KIF26B: variants seen among roughly 807,000 people sequenced by gnomAD.
KIF26B encodes kinesin-like protein KIF26B.
Under a neutral mutation model 151.2 loss-of-function variants are expected in KIF26B, and 63 were observed. The ratio of observed to expected loss-of-function variants is 0.42; its 90% confidence interval spans 0.34 to 0.51. The LOEUF is 0.51. Among genes scored for constraint, KIF26B ranks in the 20% least tolerant of loss-of-function variants. KIF26B has a pLI of 0.07. For synonymous variants in KIF26B, 1,357 were observed against 1,262.1 expected (o/e 1.08, Z -1.59); for missense variants, 2,813 against 2,913.6 (o/e 0.97, Z 0.79).
At position 245,702,737 on chromosome 1, in the gene KIF26B, G is replaced by A. The variant is rs113808234; in HGVS notation, c.*131G>A. The A allele has an allele frequency of 1.6e-3, 1,683 of 1,059,828 alleles. 17 individuals carry two copies. The African/African-American group carries it at 0.024, about 15-fold the overall frequency. 65.7% of individuals were successfully genotyped at this position (1,059,828 alleles called of 1,614,324 possible). A position where few individuals can be genotyped will look rare whatever the true frequency, so the allele number is the denominator to read the frequency against. On this transcript the variant is annotated 3_prime_UTR_variant, in exon 15 of 15. Coordinates refer to ENST00000407071, the MANE Select transcript of KIF26B (RefSeq NM_018012.4). The surrounding 1 kb of genome is among the most constrained non-coding windows in gnomAD (Gnocchi z 4.1). ...TGAAGGTTGGTGGCAAGTCTGGAGC[G>A]GGCGTTGAGCGGAAGGCGAGTTTTC...
At chr1:245,427,080 C>T (rs1658665414) in intron 4 of KIF26B, among the ~76,000 whole-genome samples, 1 of 152,144 alleles carries the variant, frequency 6.6e-6, no homozygotes, top group Non-Finnish European at 1.5e-5. Context: ...AGGGATGCTC[C>T]CTTCTTCCCC....
intron 2 of KIF26B, among the ~76,000 whole-genome samples, chr1:245,326,300 C>A (rs1321101756): frequency 6.6e-6 from 1 of 152,186 alleles, no homozygotes; most frequent in Non-Finnish European, 1.5e-5. Flanking sequence ...TTAGAATATT[C>A]CAACAGAAAC....
chr1:245,669,796 G>A (rs995689826), intron 10 of KIF26B, among the ~76,000 whole-genome samples: 2 of 152,162 alleles, frequency 1.3e-5, no homozygotes, highest in Non-Finnish European at 2.9e-5. Context: ...ATATAGAATT[G>A]TCACATGGTC....
rs115912340 is a variant in KIF26B at position 245,617,943 on chromosome 1, C to T, written c.2098+5967C>T. 7.0e-3 allele frequency among the ~76,000 whole-genome samples: 1,065 copies of T among 152,174 alleles called. 11 individuals carry two copies. Among genetic ancestry groups the T allele is most frequent in the African/African-American group, 0.023 (970 of 41,512 alleles). ...CAGGCCTGCTGCTCCCGTCTCCTGG[C>T]ATTCTTCCTCCTGCCCCTTCTGCCT... On this transcript the variant is annotated intron_variant, in intron 9 of 14. Coordinates refer to ENST00000407071, the MANE Select transcript of KIF26B (RefSeq NM_018012.4).
At chr1:245,348,651 G>A (rs1473835567) in intron 2 of KIF26B, among the ~76,000 whole-genome samples, 1 of 152,148 alleles carries the variant, frequency 6.6e-6, no homozygotes, top group East Asian at 1.9e-4. Flanking sequence ...TTTACCTCCA[G>A]CCATCATGTT....
chr1:245,586,013 G>A (rs1427550055), intron 5 of KIF26B, among the ~76,000 whole-genome samples: 2 of 151,550 alleles, frequency 1.3e-5, no homozygotes, highest in Non-Finnish European at 2.9e-5. Flanking sequence ...AATGTTTTTA[G>A]AGACAGGGTC....
At chr1:245,552,893 C>G (rs1159502962) in intron 5 of KIF26B, among the ~76,000 whole-genome samples, 2 of 152,168 alleles carry the variant, frequency 1.3e-5, no homozygotes, top group Non-Finnish European at 2.9e-5. Context: ...AGCCACCGCA[C>G]ACAGCCTCCC....
chr1:245,586,903 A>C (rs1366861119), intron 5 of KIF26B, among the ~76,000 whole-genome samples: 1 of 151,720 alleles, frequency 6.6e-6, no homozygotes, highest in Non-Finnish European at 1.5e-5. Context: ...AAAAAAAAAA[A>C]AAAAAACATC....
intron 2 of KIF26B, among the ~76,000 whole-genome samples, chr1:245,274,351 T>C (rs1360853621): frequency 6.6e-6 from 1 of 152,162 alleles, no homozygotes; most frequent in African/African-American, 2.4e-5. Context: ...ATTAGGTATT[T>C]ATCCTAATGC....
intron 5 of KIF26B, among the ~76,000 whole-genome samples, chr1:245,584,103 C>CCTCGTGA (rs2043202385): frequency 1.3e-5 from 2 of 152,142 alleles, no homozygotes; most frequent in African/African-American, 4.8e-5. Context: ...ATCATGGATC[C>CCTCGTGA]CTCGTGACTC....
chr1:245,191,638 G>C (rs1669113327), intron 2 of KIF26B, among the ~76,000 whole-genome samples: 1 of 152,152 alleles, frequency 6.6e-6, no homozygotes, highest in Admixed American at 6.5e-5. Context: ...GAAAACATTT[G>C]TACGTTGACA....
intron 3 of KIF26B, among the ~76,000 whole-genome samples, chr1:245,400,294 C>A (rs1673964042): frequency 6.6e-6 from 1 of 152,146 alleles, no homozygotes; most frequent in African/African-American, 2.4e-5. Context: ...TTTTTGGCTG[C>A]CCTAAGTATT....
chr1:245,486,159 A>C (rs1343460556), intron 4 of KIF26B, among the ~76,000 whole-genome samples: 1 of 152,258 alleles, frequency 6.6e-6, no homozygotes, highest in African/African-American at 2.4e-5. Context: ...TAATTTAAGC[A>C]CATAGTCTTT....
chr1:245,328,899 T>C (rs1415671995), intron 2 of KIF26B, among the ~76,000 whole-genome samples: 2 of 152,338 alleles, frequency 1.3e-5, no homozygotes, highest in East Asian at 3.9e-4. Flanking sequence ...CGTGTCTCTG[T>C]TGCGGTTCTT....
chr1:245,483,375 A>G (rs565351333), intron 4 of KIF26B, among the ~76,000 whole-genome samples: 1 of 151,970 alleles, frequency 6.6e-6, no homozygotes, highest in Admixed American at 6.5e-5. Context: ...GAGGTCACCC[A>G]GCTGGGGTTG....
chr1:245,408,052 T>G (rs188576799), intron 3 of KIF26B, among the ~76,000 whole-genome samples: 1 of 152,186 alleles, frequency 6.6e-6, no homozygotes, highest in Non-Finnish European at 1.5e-5. Flanking sequence ...CTTTGCCCAA[T>G]AGAAGAGCCG....
In KIF26B at chr1:245,170,411, C is replaced by T. The variant is rs1188555641; in HGVS notation, c.465+13728C>T. Among the ~76,000 whole-genome samples the T allele has an allele frequency of 1.3e-5, 2 of 152,114 alleles. No individual in the cohort carries two copies. The highest frequency in any genetic ancestry group is 6.5e-5 in the Admixed American group (1 of 15,282). On this transcript the variant is annotated intron_variant, in intron 2 of 14. Transcript: ENST00000407071. This position sits in a 1 kb window ranked among gnomAD's most constrained non-coding sequence, Gnocchi z 4.4. ...CAGAATAAAGACATGTGGGAATGCT[C>T]ACTGGATGCTTACAATTGGTTCCAG...
rs2044508041 is a variant in KIF26B, at chr1:245,685,911, G to C, written c.2928G>C (p.Glu976Asp). ...CAGCGGGGGCAAGCCCACTCTCTGA[G>C]TCTGATAAGGAAGATAATGGGTCCG... is the stretch of plus-strand genomic sequence containing the variant. ...SQAAGASPLS[E>D]SDKEDNGSEG... The change falls in exon 12 of 15, where the codon GAG becomes GAC. Residue 976 changes from glutamate (E) to aspartate (D), a missense_variant. Coordinates refer to ENST00000407071, the MANE Select transcript of KIF26B (RefSeq NM_018012.4). 6.2e-7 allele frequency: 1 copy of C among 1,612,972 alleles called. No homozygotes were observed. The highest frequency in any genetic ancestry group is 1.7e-5 in the Admixed American group (1 of 59,942).
intron 4 of KIF26B, among the ~76,000 whole-genome samples, chr1:245,478,204 A>T (rs943710019): frequency 6.6e-6 from 1 of 151,788 alleles, no homozygotes; most frequent in African/African-American, 2.4e-5. Flanking sequence ...ATTCCATGGT[A>T]TGGATAGACC....
Sources: allele counts gnomAD v4.1 joint callset (sites outside exome capture counted in the v4.1 genomes callset), GRCh38; gene constraint gnomAD v4.1.1; non-coding constraint Gnocchi (gnomAD v3.1); transcripts MANE v1.5; gene names NCBI Gene and HGNC (gene_info 2026-07-23, HGNC 2026-07-21).